Variants in PDZK1IP1 observed in about 807,000 individuals in gnomAD.
The protein encoded by PDZK1IP1 is PDZK1-interacting protein 1.
In PDZK1IP1, 9 loss-of-function variants were observed where a neutral mutation model predicts 14.7. That is an observed-to-expected ratio of 0.61 (90% CI 0.37 to 1.07). PDZK1IP1 has a LOEUF of 1.07. Among genes scored for constraint, PDZK1IP1 ranks in the 50% least tolerant of loss-of-function variants. The pLI, the probability that PDZK1IP1 is intolerant of heterozygous loss-of-function variation, is 0.01. For missense variants in PDZK1IP1, 152 were observed against 148.7 expected, an observed-to-expected ratio of 1.02 and a Z score of -0.11; for synonymous variants, 70 against 61.2, an observed-to-expected ratio of 1.14 and a Z score of -0.67.
At chr1:47,187,650 G>A (rs1350153003) in intron 1 of PDZK1IP1, among the ~76,000 whole-genome samples, 1 of 152,224 alleles carries the variant, frequency 6.6e-6, no homozygotes, top group Non-Finnish European at 1.5e-5. Context: ...GGAGCTGGAG[G>A]AACAACAGAG....
Position 47,183,869 on chromosome 1 carries a change from C to T in PDZK1IP1, c.*102G>A. Reference sequence around the variant, plus strand: ...GGCATGGGGCTGGAGGGAGTCAGCCCACTATTGCAGATTCCACACAAAGAA... The same window carrying T: ...GGCATGGGGCTGGAGGGAGTCAGCCTACTATTGCAGATTCCACACAAAGAA... On this transcript the variant is annotated 3_prime_UTR_variant, in exon 4 of 4. Coordinates refer to ENST00000294338, the MANE Select transcript of PDZK1IP1 (RefSeq NM_005764.4). The T allele has an allele frequency of 1.0e-6, 1 of 993,182 alleles. No individual in the cohort carries two copies. The highest frequency in any genetic ancestry group is 2.0e-5 in the Admixed American group (1 of 49,102). The allele number at this position is 993,182 out of a possible 1,614,324, so 61.5% of individuals were successfully genotyped here. A position where few individuals can be genotyped will look rare whatever the true frequency, so the allele number is the denominator to read the frequency against.
At chr1:47,188,664 C>T (rs1379865741) in intron 1 of PDZK1IP1, among the ~76,000 whole-genome samples, 1 of 152,184 alleles carries the variant, frequency 6.6e-6, no homozygotes, top group Non-Finnish European at 1.5e-5. Flanking sequence ...GGAGGCCTGA[C>T]CTCTTCTCCG....
intron 3 of PDZK1IP1, among the ~76,000 whole-genome samples, chr1:47,184,535 TC>T (rs1645306406): frequency 7.6e-5 from 2 of 26,242 alleles, no homozygotes; most frequent in South Asian, 1.2e-3. Context: ...CTGAGCTCCA[TC>T]CCCCACTGAG....
At chr1:47,185,121 G>A (rs968527703) in intron 2 of PDZK1IP1, 24 bp from the exon 3 acceptor site, 2 of 1,600,760 alleles carry the variant, frequency 1.2e-6, no homozygotes, top group Non-Finnish European at 8.6e-7. Flanking sequence ...TCATCAGTGG[G>A]GCTCCTCAGT....
chr1:47,189,257 T>A (rs1342503997), intron 1 of PDZK1IP1, among the ~76,000 whole-genome samples: 1 of 152,158 alleles, frequency 6.6e-6, no homozygotes, highest in Non-Finnish European at 1.5e-5. Flanking sequence ...CAGTGTAGAA[T>A]GAAAGCCAGA....
Position 47,183,719 on chromosome 1 carries a change from T to G in PDZK1IP1, c.*252A>C, listed in dbSNP as rs1386394998. On this transcript the variant is annotated 3_prime_UTR_variant, in exon 4 of 4. Transcript: ENST00000294338. The stretch of plus-strand genomic sequence containing the variant: ...GTGAGCAGGATGGGAGGTGCTCAGC[T>G]GACTGTCCTCTCCAGAAGGCTCTTC... 5.4e-6 allele frequency: 3 copies of G among 553,010 alleles called. No individual in the cohort carries two copies. Among genetic ancestry groups the G allele is most frequent in the African/African-American group, 1.9e-5 (1 of 52,818 alleles). The allele number at this position is 553,010 out of a possible 1,614,324, so 34.3% of individuals were successfully genotyped here.
Position 47,190,019 on chromosome 1 carries a change from T to C in PDZK1IP1, c.-87A>G, listed in dbSNP as rs564179877. On this transcript the variant is annotated 5_prime_UTR_variant, in exon 1 of 4. Transcript: ENST00000294338. ...GGAGTCTATTGGTGTCCGCCTGAAA[T>C]CAACCTGGGCTCAGTCTGGCCCTGG... 56 of 1,063,436 alleles carry C rather than the reference T, an allele frequency of 5.3e-5. No individual in the cohort carries two copies. The South Asian group carries it at 8.7e-4, about 17-fold the overall frequency. The allele number at this position is 1,063,436 out of a possible 1,614,324, so 65.9% of individuals were successfully genotyped here.
Position 47,183,833 on chromosome 1 carries a change from C to T in PDZK1IP1, c.*138G>A, listed in dbSNP as rs1247750491. 1.8e-5 allele frequency: 13 copies of T among 732,778 alleles called. No individual in the cohort carries two copies. Among genetic ancestry groups the T allele is most frequent in the East Asian group, 5.4e-5 (2 of 37,144 alleles). The allele number at this position is 732,778 out of a possible 1,614,324, so 45.4% of individuals were successfully genotyped here. A position where few individuals can be genotyped will look rare whatever the true frequency, so the allele number is the denominator to read the frequency against. On this transcript the variant is annotated 3_prime_UTR_variant, in exon 4 of 4. Transcript: ENST00000294338. Reference sequence around the variant, plus strand: ...ACCTTGGCTGGCTATACTTCAAGGGCGGGTAGGGCCGGCATGGGGCTGGAG... The same window carrying T: ...ACCTTGGCTGGCTATACTTCAAGGGTGGGTAGGGCCGGCATGGGGCTGGAG...
chr1:47,185,373 A>G, intron 2 of PDZK1IP1: 1 of 415,390 alleles, frequency 2.4e-6, no homozygotes, highest in African/African-American at 2.0e-5. Flanking sequence ...CCTCCACAGC[A>G]GGCCCTGCAG....
At chr1:47,186,039 G>A (rs1044152447) in intron 2 of PDZK1IP1, among the ~76,000 whole-genome samples, 3 of 152,158 alleles carry the variant, frequency 2.0e-5, no homozygotes, top group Non-Finnish European at 4.4e-5. Context: ...GGCAGGGCAT[G>A]GTGGCTCACA....
intron 2 of PDZK1IP1, among the ~76,000 whole-genome samples, chr1:47,186,922 A>C (rs1284522268): frequency 6.6e-6 from 1 of 152,166 alleles, no homozygotes; most frequent in East Asian, 1.9e-4. Flanking sequence ...TGTCTGTCCC[A>C]TGCCCTCTCT....
chr1:47,189,897 G>A lies in PDZK1IP1; in HGVS notation c.36C>T (p.Leu12=), dbSNP rs765820861. 6.3e-7 allele frequency: 1 copy of A among 1,597,266 alleles called. No homozygotes were observed. Among genetic ancestry groups the A allele is most frequent in the Non-Finnish European group, 8.5e-7 (1 of 1,178,822 alleles). ...SALSLLILGL[L]TAVPPASCQQ... The stretch of plus-strand genomic sequence containing the variant: ...GACAGCTGGCAGGTGGCACTGCCGT[G>A]AGCAGGCCCAGAATGAGGAGGCTGA... The change falls in exon 1 of 4, where the codon CTC becomes CTT. Residue 12 remains leucine (L), a synonymous_variant. Coordinates refer to ENST00000294338, the MANE Select transcript of PDZK1IP1 (RefSeq NM_005764.4).
intron 2 of PDZK1IP1, 26 bp from the exon 3 acceptor site, chr1:47,185,123 C>T: frequency 6.3e-7 from 1 of 1,594,918 alleles, no homozygotes; most frequent in South Asian, 1.1e-5. Flanking sequence ...ATCAGTGGGG[C>T]TCCTCAGTGG....
chr1:47,183,920 G>C lies in PDZK1IP1; in HGVS notation c.*51C>G. 1 of 1,424,928 alleles carries C rather than the reference G, an allele frequency of 7.0e-7. No individual in the cohort carries two copies. Among genetic ancestry groups the C allele is most frequent in the Middle Eastern group, 1.7e-4 (1 of 5,744 alleles). 88.3% of individuals were successfully genotyped at this position (1,424,928 alleles called of 1,614,324 possible). On this transcript the variant is annotated 3_prime_UTR_variant, in exon 4 of 4. Coordinates refer to ENST00000294338, the MANE Select transcript of PDZK1IP1 (RefSeq NM_005764.4). ...GGAGGGGGCTTGGGTGGTAGCACTGGACATCCATCCCATGTGCCTGGGAGT... is the reference window on the plus strand; with the variant it reads ...GGAGGGGGCTTGGGTGGTAGCACTGCACATCCATCCCATGTGCCTGGGAGT...
At chr1:47,185,207 C>A (rs955691610) in intron 2 of PDZK1IP1, 110 bp from the exon 3 acceptor site, 2 of 815,676 alleles carry the variant, frequency 2.5e-6, no homozygotes, top group Non-Finnish European at 4.2e-6. Context: ...ACTGCCCTTC[C>A]CAGAGCTGTG....
chr1:47,187,151 C>T (rs1270490447), intron 2 of PDZK1IP1, among the ~76,000 whole-genome samples, 168 bp downstream of exon 2: 2 of 151,884 alleles, frequency 1.3e-5, no homozygotes, highest in Non-Finnish European at 2.9e-5. Context: ...TCCCTCATCC[C>T]GACTGTCACC....
In PDZK1IP1 at chr1:47,185,100, G is replaced by A. The variant is rs1467337269; in HGVS notation, c.177-3C>T. ...TCAGGATCATGTGTGCAGGCTCCCT[G>A]GGGATGGGATTCATCAGTGGGGCTC... On this transcript the variant is annotated splice_polypyrimidine_tract_variant and splice_region_variant and intron_variant, in intron 2 of 3. Coordinates refer to ENST00000294338, the MANE Select transcript of PDZK1IP1 (RefSeq NM_005764.4). The A allele has an allele frequency of 6.8e-6, 11 of 1,612,064 alleles. No homozygotes were observed. The highest frequency in any genetic ancestry group is 1.1e-5 in the South Asian group (1 of 91,056).
intron 1 of PDZK1IP1, among the ~76,000 whole-genome samples, chr1:47,188,587 C>A (rs1428547438): frequency 3.3e-5 from 5 of 152,322 alleles, no homozygotes; most frequent in African/African-American, 1.2e-4. Context: ...CATGAGAAAA[C>A]CTTCCTCTGG....
At chr1:47,184,498 CCCATCCCCCACTG>C (rs2148572172) in intron 3 of PDZK1IP1, among the ~76,000 whole-genome samples, 6 of 35,976 alleles carry the variant, frequency 1.7e-4, no homozygotes, top group East Asian at 6.0e-4. Context: ...CCCCACTGAA[CCCATCCCCCACTG>C]AATCCATCCC....
Sources: allele counts gnomAD v4.1 joint callset (sites outside exome capture counted in the v4.1 genomes callset), GRCh38; gene constraint gnomAD v4.1.1; transcripts MANE v1.5; gene names NCBI Gene and HGNC (gene_info 2026-07-23, HGNC 2026-07-21).